SLC39A10: variants seen among roughly 807,000 people sequenced by gnomAD.
SLC39A10 encodes the protein zinc transporter ZIP10.
SLC39A10 carries 13 observed loss-of-function variants against 65.1 expected under a neutral mutation model. The ratio of observed to expected loss-of-function variants is 0.20; its 90% CI spans 0.13 to 0.32. The LOEUF (loss-of-function observed/expected upper bound fraction) is 0.32, where lower values mean the gene tolerates loss of function less well. Among genes scored for constraint, SLC39A10 ranks in the 10% least tolerant of loss-of-function variants. SLC39A10 has a pLI of 1.00. For synonymous variants in SLC39A10, 321 were observed against 342.2 expected, an observed-to-expected ratio of 0.94 and a Z score of 0.68; for missense variants, 831 against 1,018.4, an observed-to-expected ratio of 0.82 and a Z score of 2.50.
At chr2:195,700,335 T>A (rs1691129624) in intron 3 of SLC39A10, among the ~76,000 whole-genome samples, 1 of 152,184 alleles carries the variant, frequency 6.6e-6, no homozygotes, top group African/African-American at 2.4e-5. Context: ...TTTAGTTGAC[T>A]TTTTTTGGTA....
upstream of SLC39A10, among the ~76,000 whole-genome samples, chr2:195,653,824 G>A (rs1226135659): frequency 6.6e-6 from 1 of 152,208 alleles, no homozygotes; most frequent in Non-Finnish European, 1.5e-5. Context: ...AGTTTAAACT[G>A]GAGATGAATT....
At chr2:195,715,663 T>C (rs1299071943) in intron 6 of SLC39A10, among the ~76,000 whole-genome samples, 1 of 152,176 alleles carries the variant, frequency 6.6e-6, no homozygotes, top group African/African-American at 2.4e-5. Flanking sequence ...AATGTGACAC[T>C]TGACATGTTT....
chr2:195,727,005 C>T (rs893641038), intron 8 of SLC39A10, among the ~76,000 whole-genome samples: 5 of 152,054 alleles, frequency 3.3e-5, no homozygotes, highest in Admixed American at 6.6e-5. Flanking sequence ...CTATTGCTTT[C>T]GACCCATTAG....
intron 5 of SLC39A10, among the ~76,000 whole-genome samples, chr2:195,712,894 T>C (rs954932308): frequency 6.6e-6 from 1 of 152,236 alleles, no homozygotes; most frequent in African/African-American, 2.4e-5. Flanking sequence ...TCACCTCATT[T>C]AATCCTCATA....
intron 2 of SLC39A10, among the ~76,000 whole-genome samples, chr2:195,618,292 A>G (rs1688269446): frequency 6.7e-6 from 1 of 150,052 alleles, no homozygotes; most frequent in Non-Finnish European, 1.5e-5. Context: ...GAGAGGTTGC[A>G]GTGAGCTGAG....
chr2:195,674,906 A>T, intron 1 of SLC39A10, among the ~76,000 whole-genome samples: 1 of 152,238 alleles, frequency 6.6e-6, no homozygotes. Context: ...AAAATTCAGT[A>T]TAAAAGATTT....
At chr2:195,660,465 A>G (rs1213781684) in intron 1 of SLC39A10, among the ~76,000 whole-genome samples, 1 of 152,200 alleles carries the variant, frequency 6.6e-6, no homozygotes, top group African/African-American at 2.4e-5. Context: ...CTAACCCACA[A>G]CAGTTTGATG....
chr2:195,623,402 G>T (rs563718808), intron 2 of SLC39A10, among the ~76,000 whole-genome samples: 1 of 151,730 alleles, frequency 6.6e-6, no homozygotes, highest in African/African-American at 2.4e-5. Flanking sequence ...CCATCCTTAC[G>T]CCGTGTTGTA....
intron 1 of SLC39A10, among the ~76,000 whole-genome samples, chr2:195,662,218 C>G (rs889765637): frequency 2.0e-5 from 3 of 151,074 alleles, no homozygotes; most frequent in African/African-American, 7.3e-5. Flanking sequence ...AGAAAAACCT[C>G]AGTCACTTTT....
intron 2 of SLC39A10, among the ~76,000 whole-genome samples, chr2:195,622,200 TACAAAAAA>T (rs1688362316): frequency 6.6e-6 from 1 of 151,904 alleles, no homozygotes; most frequent in Non-Finnish European, 1.5e-5. Flanking sequence ...ACCCTGTCTC[TACAAAAAA>T]TACAAAAAAT....
chr2:195,728,027 TTTATA>T lies in SLC39A10; in HGVS notation c.2147-130_2147-126del. 2.5e-6 allele frequency: 2 copies of T among 804,024 alleles called. No individual in the cohort carries two copies. The highest frequency in any genetic ancestry group is 3.8e-6 in the Non-Finnish European group (2 of 530,342). 49.8% of individuals were successfully genotyped at this position (804,024 alleles called of 1,614,324 possible). ...CATTATGGTTTAATAAGTAAAATAT[TTTATA>T]TATCACATAAAATACTGTTATTAAA... On this transcript the variant is annotated intron_variant, in intron 8 of 9. Coordinates refer to ENST00000359634, the MANE Select transcript of SLC39A10 (RefSeq NM_020342.3). This position sits in a 1 kb window ranked among gnomAD's most constrained non-coding sequence, Gnocchi z 4.4.
chr2:195,728,048 T>C lies in SLC39A10; in HGVS notation c.2147-111T>C. On this transcript the variant is annotated intron_variant, in intron 8 of 9. Coordinates refer to ENST00000359634, the MANE Select transcript of SLC39A10 (RefSeq NM_020342.3). This position sits in a 1 kb window ranked among gnomAD's most constrained non-coding sequence, Gnocchi z 4.4. ...ATATTTTATATATCACATAAAATACTGTTATTAAAAGTGTGTATCTTTTTA... is the reference window on the plus strand; with the variant it reads ...ATATTTTATATATCACATAAAATACCGTTATTAAAAGTGTGTATCTTTTTA... 1.1e-6 allele frequency: 1 copy of C among 937,948 alleles called. No homozygotes were observed. The highest frequency in any genetic ancestry group is 1.6e-6 in the Non-Finnish European group (1 of 636,050). The allele number at this position is 937,948 out of a possible 1,614,324, so 58.1% of individuals were successfully genotyped here. A position where few individuals can be genotyped will look rare whatever the true frequency, so the allele number is the denominator to read the frequency against.
intron 1 of SLC39A10, among the ~76,000 whole-genome samples, chr2:195,661,992 CT>C (rs1215815461): frequency 1.3e-5 from 2 of 152,122 alleles, no homozygotes; most frequent in Non-Finnish European, 2.9e-5. Flanking sequence ...ATATACTCGA[CT>C]TTGGGGGACA....
rs774373325 is a variant in SLC39A10 at position 195,680,542 on chromosome 2, A to G, written c.500A>G (p.Asp167Gly). Residue 167 changes from aspartate to glycine, a missense_variant, in exon 2 of 10, where the codon GAT becomes GGT. By Grantham distance (94) the Asp-to-Gly change is moderately conservative (BLOSUM62 -1). Around this residue, in one of 4 missense-constraint regions of SLC39A10, gnomAD observed 446 missense variants for 499.2 expected, o/e 0.89. Coordinates refer to ENST00000359634, the MANE Select transcript of SLC39A10 (RefSeq NM_020342.3). ...ACAGTTGAAGTGTCTGTAAAATCTG[A>G]TGATAAACATATGCATGACCATAAT... The part of the protein sequence containing the change: ...KETVEVSVKS[D>G]DKHMHDHNHR... 6.2e-7 allele frequency: 1 copy of G among 1,614,186 alleles called. No individual in the cohort carries two copies. Among genetic ancestry groups the G allele is most frequent in the Non-Finnish European group, 8.5e-7 (1 of 1,180,034 alleles).
At chr2:195,622,806 A>G (rs1172579371) in intron 2 of SLC39A10, among the ~76,000 whole-genome samples, 1 of 152,090 alleles carries the variant, frequency 6.6e-6, no homozygotes, top group Admixed American at 6.6e-5. Flanking sequence ...CCCTGTCTCT[A>G]CTAAAATTAC....
intron 5 of SLC39A10, among the ~76,000 whole-genome samples, chr2:195,710,334 T>C (rs1691562437): frequency 6.6e-6 from 1 of 152,182 alleles, no homozygotes; most frequent in African/African-American, 2.4e-5. Flanking sequence ...TAAGTAAAGC[T>C]TTCCACAAAA....
At chr2:195,651,245 A>G (rs7571632) in intron 2 of SLC39A10, among the ~76,000 whole-genome samples, 94,089 of 151,896 alleles carry the variant, frequency 0.62, 29,748 homozygotes, top group Non-Finnish European at 0.69. Context: ...AGACTACCGC[A>G]TGGGTCCAAC....
Position 195,716,995 on chromosome 2 carries a change from G to A in SLC39A10, c.2055G>A (p.Gly685=), listed in dbSNP as rs577261188. The A allele has an allele frequency of 1.9e-6, 3 of 1,613,246 alleles. No individual in the cohort carries two copies. Among genetic ancestry groups the A allele is most frequent in the Admixed American group, 1.7e-5 (1 of 59,998 alleles). The change falls in exon 7 of 10, where the codon GGG becomes GGA. Residue 685 remains glycine, a synonymous_variant. Coordinates refer to ENST00000359634, the MANE Select transcript of SLC39A10 (RefSeq NM_020342.3). ...MGDGIHNFSD[G]LAIGAAFSAG... is the part of the protein sequence containing the mutation. ...ATGGCATCCACAACTTCAGTGATGG[G>A]CTCGCAATTGGTAAGTGGACTGGAA... is the stretch of plus-strand genomic sequence containing the variant.
chr2:195,622,250 C>T (rs1047677860), intron 2 of SLC39A10, among the ~76,000 whole-genome samples: 49 of 152,076 alleles, frequency 3.2e-4, no homozygotes, highest in African/African-American at 1.1e-3. Context: ...CCTGTAGTCC[C>T]AGCTATATGG....
Sources: gnomAD v4.1 joint callset for allele counts (sites outside exome capture counted in the v4.1 genomes callset) on GRCh38, gnomAD v4.1.1 for gene constraint, gnomAD v4.1.1 regional missense constraint, Gnocchi (gnomAD v3.1) non-coding constraint, MANE v1.5 for transcripts, NCBI Gene and HGNC (gene_info 2026-07-23, HGNC 2026-07-21) for gene names.